Variants in PDE7B observed in about 807,000 individuals in gnomAD.
PDE7B encodes the protein 3',5'-cyclic-AMP phosphodiesterase 7B.
Under a neutral mutation model 56.2 loss-of-function variants are expected in PDE7B, and 29 were observed. That is an observed-to-expected ratio of 0.52 (90% CI 0.38 to 0.70). The LOEUF (loss-of-function observed/expected upper bound fraction) is 0.70. Ranked by LOEUF, PDE7B falls within the 30% of genes least tolerant of loss-of-function variation. PDE7B has a pLI of 0.00. For missense variants in PDE7B, 490 were observed against 565.0 expected, an observed-to-expected ratio of 0.87 and a Z score of 1.35; for synonymous variants, 197 against 196.9, an observed-to-expected ratio of 1.00 and a Z score of 0.00.
intron 2 of PDE7B, among the ~76,000 whole-genome samples, chr6:135,995,380 A>C (rs936128143): frequency 6.6e-6 from 1 of 152,192 alleles, no homozygotes; most frequent in African/African-American, 2.4e-5. Flanking sequence ...GATTCTAAAA[A>C]ATATATTTTT....
intron 2 of PDE7B, among the ~76,000 whole-genome samples, chr6:135,952,111 G>T (rs1453767340): frequency 6.6e-6 from 1 of 152,100 alleles, no homozygotes; most frequent in Non-Finnish European, 1.5e-5. Flanking sequence ...TAGCCCAGGG[G>T]TTTTTCTGGT....
chr6:135,858,259 T>G (rs923859174), intron 1 of PDE7B, among the ~76,000 whole-genome samples: 1 of 152,006 alleles, frequency 6.6e-6, no homozygotes, highest in African/African-American at 2.4e-5. Context: ...GTCAAGCGAT[T>G]CTCCTGCCTC....
At position 135,870,634 on chromosome 6, in the gene PDE7B, C is replaced by T. The variant is rs142677212; in HGVS notation, c.21+18615C>T. Among the ~76,000 whole-genome samples, 485 of 151,350 alleles carry T rather than the reference C, an allele frequency of 3.2e-3. 2 individuals are homozygous for T. Among genetic ancestry groups the T allele is most frequent in the South Asian group, 0.022 (105 of 4,744 alleles). On this transcript the variant is annotated intron_variant, in intron 1 of 12. Coordinates refer to ENST00000308191, the MANE Select transcript of PDE7B (RefSeq NM_018945.4). The stretch of plus-strand genomic sequence containing the variant: ...TACCATTCACTGAATTAGGGAAGAT[C>T]GAGGGAGGATCAGTTTGGAGGAGGG...
Position 135,882,805 on chromosome 6 carries a change from T to C in PDE7B, c.21+30786T>C, listed in dbSNP as rs189563657. The stretch of plus-strand genomic sequence containing the variant: ...AGAATAACAGATTGTCTTCCCCTAT[T>C]TGAACACTTTCAATGACCAGTGGAG... On this transcript the variant is annotated intron_variant, in intron 1 of 12. Coordinates refer to ENST00000308191, the MANE Select transcript of PDE7B (RefSeq NM_018945.4). 5.9e-3 allele frequency among the ~76,000 whole-genome samples: 893 copies of C among 152,306 alleles called. 12 individuals carry two copies. The highest frequency in any genetic ancestry group is 0.019 in the South Asian group (94 of 4,824).
chr6:136,192,145 T>A lies in PDE7B; in HGVS notation c.*305T>A, dbSNP rs114829014. 3 of 404,160 alleles carry A rather than the reference T, an allele frequency of 7.4e-6. No homozygotes were observed. In the East Asian group the frequency reaches 1.5e-4, roughly 21 times the overall value. The allele number at this position is 404,160 out of a possible 1,614,324, so 25.0% of individuals were successfully genotyped here. On this transcript the variant is annotated 3_prime_UTR_variant, in exon 13 of 13. Coordinates refer to ENST00000308191, the MANE Select transcript of PDE7B (RefSeq NM_018945.4). ...GAGGAAGAATGAGGTGCTCCTGCCG[T>A]GTCCGCCTTGTTCCGGGTCGCACTG... is the stretch of plus-strand genomic sequence containing the variant.
chr6:135,895,125 T>C (rs527500328), intron 1 of PDE7B, among the ~76,000 whole-genome samples: 1 of 151,350 alleles, frequency 6.6e-6, no homozygotes, highest in South Asian at 2.1e-4. Flanking sequence ...AATCATGTGA[T>C]GAAATAAAAA....
intron 1 of PDE7B, among the ~76,000 whole-genome samples, chr6:135,919,969 T>C (rs1419222215): frequency 6.6e-6 from 1 of 152,098 alleles, no homozygotes; most frequent in African/African-American, 2.4e-5. Flanking sequence ...ATCTTTAAAG[T>C]AAATATTGCT....
chr6:135,963,191 C>T (rs1774938198), intron 2 of PDE7B, among the ~76,000 whole-genome samples: 1 of 152,164 alleles, frequency 6.6e-6, no homozygotes, highest in African/African-American at 2.4e-5. Flanking sequence ...GCCTCAGAGA[C>T]ATCCTCAAGA....
intron 2 of PDE7B, among the ~76,000 whole-genome samples, chr6:136,066,684 C>T (rs927668317): frequency 1.3e-5 from 2 of 152,014 alleles, no homozygotes; most frequent in Non-Finnish European, 2.9e-5. Flanking sequence ...CACAAAGTCT[C>T]ATGATAAATA....
At chr6:136,049,984 C>T (rs1776596274) in intron 2 of PDE7B, among the ~76,000 whole-genome samples, 1 of 151,896 alleles carries the variant, frequency 6.6e-6, no homozygotes, top group African/African-American at 2.4e-5. Context: ...ACAGAAGTTA[C>T]ACAACATATG....
At chr6:135,880,883 G>T (rs1562422810) in intron 1 of PDE7B, among the ~76,000 whole-genome samples, 1 of 152,178 alleles carries the variant, frequency 6.6e-6, no homozygotes, top group Non-Finnish European at 1.5e-5. Context: ...TAATACTAGA[G>T]CTCAGTAAGT....
At chr6:136,053,415 T>C in intron 2 of PDE7B, among the ~76,000 whole-genome samples, 1 of 152,088 alleles carries the variant, frequency 6.6e-6, no homozygotes, top group Non-Finnish European at 1.5e-5. Context: ...TGCATAGTAT[T>C]CCATGGTGTA....
intron 2 of PDE7B, among the ~76,000 whole-genome samples, chr6:135,988,731 T>G (rs2128204949): frequency 6.6e-6 from 1 of 152,332 alleles, no homozygotes; most frequent in East Asian, 1.9e-4. Flanking sequence ...AATTGATAAC[T>G]AGGAAAATCT....
intron 1 of PDE7B, among the ~76,000 whole-genome samples, chr6:135,897,871 A>G (rs1775931148): frequency 6.6e-6 from 1 of 152,172 alleles, no homozygotes. Context: ...CGGTAGCTGG[A>G]TCATGTCAGG....
chr6:135,947,387 T>C, intron 1 of PDE7B, 77 bp from the exon 2 acceptor site: 1 of 1,085,214 alleles, frequency 9.2e-7, no homozygotes, highest in Non-Finnish European at 1.4e-6. Context: ...TATGGTAATG[T>C]CAGGTCACAT....
intron 2 of PDE7B, among the ~76,000 whole-genome samples, chr6:136,051,263 C>T (rs1348616294): frequency 6.6e-6 from 1 of 152,070 alleles, no homozygotes; most frequent in Non-Finnish European, 1.5e-5. Flanking sequence ...GTATATTTGG[C>T]CTCACAGGAA....
chr6:135,898,153 G>C (rs933873975), intron 1 of PDE7B, among the ~76,000 whole-genome samples: 1 of 152,162 alleles, frequency 6.6e-6, no homozygotes, highest in Admixed American at 6.6e-5. Flanking sequence ...TTGCTGCCCA[G>C]ATCAAAACTG....
intron 1 of PDE7B, among the ~76,000 whole-genome samples, chr6:135,910,658 T>C (rs1334709269): frequency 6.6e-6 from 1 of 152,302 alleles, no homozygotes; most frequent in East Asian, 1.9e-4. Context: ...TGGAAAAATG[T>C]ATAATGATAT....
At chr6:136,131,105 G>A (rs572220963) in intron 3 of PDE7B, among the ~76,000 whole-genome samples, 17 of 152,066 alleles carry the variant, frequency 1.1e-4, no homozygotes, top group Non-Finnish European at 2.4e-4. Flanking sequence ...GGTGTTCAAT[G>A]GATATTTATT....
Sources: allele counts gnomAD v4.1 joint callset (sites outside exome capture counted in the v4.1 genomes callset), GRCh38; gene constraint gnomAD v4.1.1; transcripts MANE v1.5; gene names NCBI Gene and HGNC (gene_info 2026-07-23, HGNC 2026-07-21).